The following ZNF804A variants were observed in gnomAD, a reference collection of about 807,000 sequenced individuals.
The protein encoded by ZNF804A is zinc finger protein 804A.
ZNF804A carries 2 observed loss-of-function variants against 16.5 expected under a neutral mutation model. The ratio of observed to expected loss-of-function variants is 0.12; its 90% CI spans 0.05 to 0.38. ZNF804A has a LOEUF of 0.38. Among genes scored for constraint, ZNF804A ranks in the 10% least tolerant of loss-of-function variants. The pLI, the probability that ZNF804A is intolerant of heterozygous loss-of-function variation, is 0.99. For synonymous variants in ZNF804A, 534 were observed against 489.6 expected (o/e 1.09, Z -1.20); for missense variants, 1,473 against 1,390.7 (o/e 1.06, Z -0.94).
intron 2 of ZNF804A, among the ~76,000 whole-genome samples, chr2:184,882,043 T>C (rs1684816629): frequency 6.6e-6 from 1 of 151,948 alleles, no homozygotes; most frequent in Non-Finnish European, 1.5e-5. Flanking sequence ...TTTCAAGAGA[T>C]CCATCTCACG....
At chr2:184,870,353 G>A (rs1247087526) in intron 2 of ZNF804A, among the ~76,000 whole-genome samples, 4 of 152,006 alleles carry the variant, frequency 2.6e-5, no homozygotes, top group Non-Finnish European at 4.4e-5. Flanking sequence ...CATAGGAGAC[G>A]TAAGTATGTG....
intron 1 of ZNF804A, among the ~76,000 whole-genome samples, chr2:184,777,117 T>A (rs1694301328): frequency 6.6e-6 from 1 of 151,432 alleles, no homozygotes. Flanking sequence ...TTTGTCCCAA[T>A]TGTAGCTGAT....
chr2:184,774,096 T>A (rs534092439), intron 1 of ZNF804A, among the ~76,000 whole-genome samples: 1 of 152,062 alleles, frequency 6.6e-6, no homozygotes, highest in South Asian at 2.1e-4. Context: ...TTGCCTTTTT[T>A]AGGTATTTTG....
chr2:184,822,387 C>T (rs973679235), intron 1 of ZNF804A, among the ~76,000 whole-genome samples: 5 of 152,076 alleles, frequency 3.3e-5, no homozygotes, highest in Admixed American at 1.3e-4. Flanking sequence ...TGGTGGGGAA[C>T]GACACACACT....
At chr2:184,889,468 T>C (rs1684947342) in intron 2 of ZNF804A, among the ~76,000 whole-genome samples, 1 of 151,982 alleles carries the variant, frequency 6.6e-6, no homozygotes, top group South Asian at 2.1e-4. Flanking sequence ...ATCATTTGAT[T>C]GGAAATTTAA....
intron 1 of ZNF804A, among the ~76,000 whole-genome samples, chr2:184,777,831 T>C (rs978473567): frequency 2.6e-5 from 4 of 151,650 alleles, no homozygotes; most frequent in Non-Finnish European, 5.9e-5. Context: ...CCTGGACTTA[T>C]TCCTATGCTG....
chr2:184,762,080 GTC>G (rs531428773), intron 1 of ZNF804A, among the ~76,000 whole-genome samples: 1 of 151,888 alleles, frequency 6.6e-6, no homozygotes. Context: ...ATTCCATGAT[GTC>G]TCTCTCTCTT....
chr2:184,866,277 C>T, intron 1 of ZNF804A, 92 bp from the exon 2 acceptor site: 1 of 1,167,612 alleles, frequency 8.6e-7, no homozygotes, highest in Non-Finnish European at 1.2e-6. Flanking sequence ...CTGTTTCTAA[C>T]TCTAATTATT....
chr2:184,939,282 G>A lies in ZNF804A; in HGVS notation c.*256G>A, dbSNP rs1365350374. On this transcript the variant is annotated 3_prime_UTR_variant, in exon 4 of 4. Coordinates refer to ENST00000302277, the MANE Select transcript of ZNF804A (RefSeq NM_194250.2). Reference sequence around the variant, plus strand: ...GCTATATATTAAAATGATGTCTTAAGAGTATGTATAATGTACATAAAATAT... The same window carrying A: ...GCTATATATTAAAATGATGTCTTAAAAGTATGTATAATGTACATAAAATAT... 3 of 366,224 alleles carry A rather than the reference G, an allele frequency of 8.2e-6. No homozygotes were observed. The highest frequency in any genetic ancestry group is 1.5e-5 in the Non-Finnish European group (3 of 202,690). The allele number at this position is 366,224 out of a possible 1,614,324, so 22.7% of individuals were successfully genotyped here.
chr2:184,787,748 A>G (rs1694470981), intron 1 of ZNF804A, among the ~76,000 whole-genome samples: 1 of 147,866 alleles, frequency 6.8e-6, no homozygotes, highest in African/African-American at 2.5e-5. Flanking sequence ...GTTTTTGTAT[A>G]TTTGACCTTT....
At chr2:184,825,216 T>C (rs974562709) in intron 1 of ZNF804A, among the ~76,000 whole-genome samples, 11 of 152,196 alleles carry the variant, frequency 7.2e-5, no homozygotes, top group Non-Finnish European at 8.8e-5. Context: ...TCACAAAATA[T>C]CTGATGGATA....
intron 1 of ZNF804A, among the ~76,000 whole-genome samples, chr2:184,760,772 T>G (rs1253726396): frequency 6.6e-6 from 1 of 152,124 alleles, no homozygotes; most frequent in East Asian, 1.9e-4. Flanking sequence ...ATAATTTGTT[T>G]GCTACTCTTC....
intron 1 of ZNF804A, among the ~76,000 whole-genome samples, chr2:184,668,206 G>A (rs1692281357): frequency 6.6e-6 from 1 of 151,742 alleles, no homozygotes; most frequent in Non-Finnish European, 1.5e-5. Context: ...ACAATGTGAT[G>A]TTTTGATCTA....
chr2:184,771,789 A>G (rs1034422031), intron 1 of ZNF804A, among the ~76,000 whole-genome samples: 4 of 151,978 alleles, frequency 2.6e-5, no homozygotes, highest in African/African-American at 7.2e-5. Flanking sequence ...GATGATGCCC[A>G]CTTGCTTTAT....
intron 1 of ZNF804A, among the ~76,000 whole-genome samples, chr2:184,827,678 T>A (rs1695186899): frequency 6.6e-6 from 1 of 151,254 alleles, no homozygotes; most frequent in Non-Finnish European, 1.5e-5. Context: ...TAAACTAATT[T>A]GTTTCTAGTA....
intron 1 of ZNF804A, among the ~76,000 whole-genome samples, chr2:184,703,709 A>AAAAAAAAG (rs1559130457): frequency 7.6e-6 from 1 of 131,360 alleles, no homozygotes; most frequent in African/African-American, 2.6e-5. Flanking sequence ...AAAAAAAAAA[A>AAAAAAAAG]AAAGAAAGAA....
At chr2:184,765,621 GT>G in intron 1 of ZNF804A, among the ~76,000 whole-genome samples, 1 of 106,696 alleles carries the variant, frequency 9.4e-6, no homozygotes, top group Non-Finnish European at 1.8e-5. Context: ...CCCCCTTAGA[GT>G]CGTGAGCCCT....
chr2:184,875,107 C>A (rs1283425190), intron 2 of ZNF804A, among the ~76,000 whole-genome samples: 1 of 152,070 alleles, frequency 6.6e-6, no homozygotes, highest in African/African-American at 2.4e-5. Context: ...TGTGGAAAAG[C>A]AGCAATGTTT....
intron 1 of ZNF804A, among the ~76,000 whole-genome samples, chr2:184,832,320 A>G (rs1414453063): frequency 6.6e-6 from 1 of 152,064 alleles, no homozygotes; most frequent in Non-Finnish European, 1.5e-5. Context: ...TTTAGGAGTC[A>G]AGAACTTAGT....
Sources: gnomAD v4.1 joint callset for allele counts (sites outside exome capture counted in the v4.1 genomes callset) on GRCh38, gnomAD v4.1.1 for gene constraint, MANE v1.5 for transcripts, NCBI Gene and HGNC (gene_info 2026-07-23, HGNC 2026-07-21) for gene names.